The following RRM2B variants were observed in gnomAD, a reference collection of about 807,000 sequenced individuals.
RRM2B encodes the protein ribonucleoside-diphosphate reductase subunit M2 B.
A neutral mutation model predicts 45.9 loss-of-function variants in RRM2B; 20 were observed. That is an observed-to-expected ratio of 0.44 (90% CI 0.31 to 0.63). The LOEUF (loss-of-function observed/expected upper bound fraction) is 0.63. Ranked by LOEUF, RRM2B falls within the 30% of genes least tolerant of loss-of-function variation. The probability of loss-of-function intolerance (pLI) is 0.09; values close to 1 mark genes in which losing one functional copy is unlikely to be tolerated. For missense variants in RRM2B, 320 were observed against 414.7 expected (o/e 0.77, Z 1.98); for synonymous variants, 124 against 132.3 (o/e 0.94, Z 0.43).
At chr8:102,229,064 G>A (rs1400480466) in intron 2 of RRM2B, among the ~76,000 whole-genome samples, 2 of 152,162 alleles carry the variant, frequency 1.3e-5, no homozygotes, top group African/African-American at 4.8e-5. Context: ...GACCAACCTG[G>A]TCAACATAGT....
intron 6 of RRM2B, among the ~76,000 whole-genome samples, chr8:102,214,930 A>G (rs1223950463): frequency 6.6e-6 from 1 of 150,708 alleles, no homozygotes; most frequent in Non-Finnish European, 1.5e-5. Context: ...GAAATACCCG[A>G]GTATGGTTAT....
Position 102,218,964 on chromosome 8 carries a change from C to T in RRM2B, c.551-17G>A, listed in dbSNP as rs759754582. 6 of 1,611,752 alleles carry T rather than the reference C, an allele frequency of 3.7e-6. No individual in the cohort carries two copies. Among genetic ancestry groups the T allele is most frequent in the Non-Finnish European group, 5.1e-6 (6 of 1,178,580 alleles). On this transcript the variant is annotated splice_polypyrimidine_tract_variant and intron_variant, in intron 5 of 8. Coordinates refer to ENST00000251810, the MANE Select transcript of RRM2B (RefSeq NM_015713.5). ...CTCTTTCCCCTGGGAGACATAAAAT[C>T]GTTTCAATTTTTGAAATATACTGCA...
chr8:102,212,678 G>C (rs1810655706), intron 8 of RRM2B, 98 bp downstream of exon 8: 1 of 711,994 alleles, frequency 1.4e-6, no homozygotes, highest in Admixed American at 2.5e-5. Flanking sequence ...TTAAAAAATA[G>C]AATAGTATGT....
intron 3 of RRM2B, among the ~76,000 whole-genome samples, chr8:102,225,295 G>A (rs747680403): frequency 3.5e-5 from 5 of 141,644 alleles, no homozygotes; most frequent in Admixed American, 7.5e-5. Context: ...GTACAGTGGC[G>A]CCATCTTGGC....
In RRM2B at chr8:102,238,912, C is replaced by T. The variant is rs757782342; in HGVS notation, c.-38G>A. 2.5e-6 allele frequency: 4 copies of T among 1,603,140 alleles called. No individual in the cohort carries two copies. Among genetic ancestry groups the T allele is most frequent in the East Asian group, 2.2e-5 (1 of 44,844 alleles). On this transcript the variant is annotated 5_prime_UTR_variant, in exon 1 of 9. Coordinates refer to ENST00000251810, the MANE Select transcript of RRM2B (RefSeq NM_015713.5). ...GCCGAAGCTACGGGCGCTGAGGGAACTGAGCTCCTCAGGCCACCTCCAACT... is the reference window on the plus strand; with the variant it reads ...GCCGAAGCTACGGGCGCTGAGGGAATTGAGCTCCTCAGGCCACCTCCAACT...
chr8:102,220,280 T>C (rs1176285784), intron 5 of RRM2B, among the ~76,000 whole-genome samples: 1 of 152,180 alleles, frequency 6.6e-6, no homozygotes, highest in Non-Finnish European at 1.5e-5. Context: ...AGGCTTGTCA[T>C]TAGTTTAACA....
At chr8:102,208,864 C>T (rs1475937456) in intron 8 of RRM2B, among the ~76,000 whole-genome samples, 1 of 152,062 alleles carries the variant, frequency 6.6e-6, no homozygotes, top group East Asian at 1.9e-4. Flanking sequence ...ATTCAAGAAA[C>T]AAGGCCGAGC....
intron 2 of RRM2B, among the ~76,000 whole-genome samples, chr8:102,227,816 A>G (rs1055176406): frequency 6.6e-6 from 1 of 152,148 alleles, no homozygotes; most frequent in Non-Finnish European, 1.5e-5. Context: ...ATCCTGACAT[A>G]GCAGAGAGAG....
chr8:102,214,084 C>CTCAGG lies in RRM2B; in HGVS notation c.758_759insCCTGA (p.Glu253AspfsTer16). 6.2e-7 allele frequency: 1 copy of CTCAGG among 1,613,460 alleles called. No homozygotes were observed. Among genetic ancestry groups the CTCAGG allele is most frequent in the Non-Finnish European group, 8.5e-7 (1 of 1,179,622 alleles). On this transcript the variant is annotated frameshift_variant, in exon 7 of 9. Transcript: ENST00000251810. LOFTEE classifies it high-confidence loss of function. ...CAATTTTGACAGCATCAACAATGATCTCCCTGACCCTTTCTTCTGAAGGCT... is the reference window on the plus strand; with the variant it reads ...CAATTTTGACAGCATCAACAATGATCTCAGGTCCCTGACCCTTTCTTCTGAAGGCT...
At chr8:102,209,525 A>G (rs1321581213) in intron 8 of RRM2B, among the ~76,000 whole-genome samples, 2 of 152,202 alleles carry the variant, frequency 1.3e-5, no homozygotes, top group Non-Finnish European at 2.9e-5. Flanking sequence ...GAACCCTCAT[A>G]CAGGGTGGGA....
chr8:102,238,707 G>C, intron 1 of RRM2B, 120 bp downstream of exon 1: 1 of 1,568,146 alleles, frequency 6.4e-7, no homozygotes, highest in Non-Finnish European at 8.6e-7. Context: ...TGCGGCGAGG[G>C]CGGGCGGACA....
intron 1 of RRM2B, among the ~76,000 whole-genome samples, chr8:102,236,111 G>A (rs1811116474): frequency 6.6e-6 from 1 of 152,322 alleles, no homozygotes; most frequent in African/African-American, 2.4e-5. Flanking sequence ...AAAAGCAAAA[G>A]TAGGAATGAT....
In RRM2B at chr8:102,224,549, G is replaced by A. The variant is rs543335501; in HGVS notation, c.455+336C>T. 3.3e-5 allele frequency among the ~76,000 whole-genome samples: 5 copies of A among 152,268 alleles called. No individual in the cohort carries two copies. In the East Asian group the frequency reaches 9.6e-4, roughly 29 times the overall value. ...AACTCTACGGTATGCTACCAGATCT[G>A]TAGTTTTTATACATTTTTACATGTC... On this transcript the variant is annotated intron_variant, in intron 4 of 8. Transcript: ENST00000251810.
intron 5 of RRM2B, among the ~76,000 whole-genome samples, chr8:102,219,457 T>C (rs1018136535): frequency 3.3e-5 from 5 of 152,140 alleles, no homozygotes; most frequent in African/African-American, 1.2e-4. Context: ...TTAAAAAAAA[T>C]AGATAAACCC....
chr8:102,224,532 G>A (rs561238172), intron 4 of RRM2B, among the ~76,000 whole-genome samples: 17 of 152,168 alleles, frequency 1.1e-4, no homozygotes, highest in Admixed American at 2.6e-4. Context: ...GTAACTCTAC[G>A]GTATGCTACC....
At chr8:102,236,213 C>T (rs1040633155) in intron 1 of RRM2B, among the ~76,000 whole-genome samples, 1 of 152,116 alleles carries the variant, frequency 6.6e-6, no homozygotes, top group Non-Finnish European at 1.5e-5. Context: ...CTTCAAACAT[C>T]GGAGGTCTAG....
intron 1 of RRM2B, 91 bp downstream of exon 1, chr8:102,238,736 C>T (rs1393102616): frequency 1.3e-5 from 21 of 1,602,482 alleles, no homozygotes; most frequent in Non-Finnish European, 1.8e-5. Context: ...CTGACCGCGG[C>T]GAATAACATT....
rs1311377736 is a variant in RRM2B at position 102,214,083 on chromosome 8, T to C, written c.760A>G (p.Ile254Val). 6.2e-7 allele frequency: 1 copy of C among 1,613,370 alleles called. No individual in the cohort carries two copies. Among genetic ancestry groups the C allele is most frequent in the Non-Finnish European group, 8.5e-7 (1 of 1,179,644 alleles). The change falls in exon 7 of 9, where the codon ATC becomes GTC. Residue 254 changes from isoleucine (I) to valine (V), a missense_variant. This residue lies in a region of RRM2B where 225 missense variants were observed against 289.4 expected (regional missense o/e 0.78). Transcript: ENST00000251810. ...TCAATTTTGACAGCATCAACAATGA[T>C]CTCCCTGACCCTTTCTTCTGAAGGC... is the stretch of plus-strand genomic sequence containing the variant. ...NKPSEERVRE[I>V]IVDAVKIEQE...
intron 7 of RRM2B, among the ~76,000 whole-genome samples, 190 bp downstream of exon 7, chr8:102,213,864 C>G (rs532680592): frequency 2.0e-5 from 3 of 152,156 alleles, no homozygotes; most frequent in Middle Eastern, 6.8e-3. Context: ...ATAATAAAGA[C>G]TGACTTACTA....
Sources: allele counts gnomAD v4.1 joint callset (sites outside exome capture counted in the v4.1 genomes callset), GRCh38; gene constraint gnomAD v4.1.1; regional missense constraint gnomAD v4.1.1; transcripts MANE v1.5; gene names NCBI Gene and HGNC (gene_info 2026-07-23, HGNC 2026-07-21).